The following ME1 variants were observed in gnomAD, a reference collection of about 807,000 sequenced individuals.
ME1 encodes the protein malic enzyme 1.
Under a neutral mutation model 66.4 loss-of-function variants are expected in ME1, and 74 were observed. That is an observed-to-expected ratio of 1.11 (90% CI 0.92 to 1.35). The LOEUF (loss-of-function observed/expected upper bound fraction) is 1.35, where lower values mean the gene tolerates loss of function less well. Ranked by LOEUF, ME1 falls within the 40% of genes most tolerant of loss-of-function variation. The pLI is 0.00. For missense variants in ME1, 750 were observed against 694.1 expected, an observed-to-expected ratio of 1.08 and a Z score of -0.90; for synonymous variants, 251 against 235.6, an observed-to-expected ratio of 1.07 and a Z score of -0.60.
At chr6:83,399,480 C>G (rs186853063) in intron 2 of ME1, among the ~76,000 whole-genome samples, 187 of 152,254 alleles carry the variant, frequency 1.2e-3, no homozygotes, top group African/African-American at 4.4e-3. Context: ...AGAAAGATTT[C>G]ATCCTTTGAC....
chr6:83,234,410 T>A (rs752673761), intron 9 of ME1, among the ~76,000 whole-genome samples: 5 of 152,144 alleles, frequency 3.3e-5, no homozygotes, highest in Non-Finnish European at 5.9e-5. Flanking sequence ...GGGACATCTC[T>A]GTCTGAGGTC....
rs1412332650 is a variant in ME1, at chr6:83,359,190, C to A, written c.363-7051G>T. On this transcript the variant is annotated intron_variant, in intron 3 of 13. Coordinates refer to ENST00000369705, the MANE Select transcript of ME1 (RefSeq NM_002395.6). ...GTCGGGCAGAGGCACTCTTCACATC[C>A]CAGACGATGCGGGAGCTGGGCAGAG... is the stretch of plus-strand genomic sequence containing the variant. Among the ~76,000 whole-genome samples the A allele has an allele frequency of 4.6e-5, 7 of 151,776 alleles. No homozygotes were observed. The East Asian group carries it at 1.2e-3, about 25-fold the overall frequency.
At position 83,211,369 on chromosome 6, in the gene ME1, G is replaced by C. The variant is rs1789867684; in HGVS notation, c.*555C>G. 1 of 152,632 alleles carries C rather than the reference G, an allele frequency of 6.6e-6. No homozygotes were observed. The highest frequency in any genetic ancestry group is 6.5e-5 in the Admixed American group (1 of 15,274). The allele number at this position is 152,632 out of a possible 1,614,324, so 9.5% of individuals were successfully genotyped here. Reference sequence around the variant, plus strand: ...TGCACAAGGCGCTGTAAACAGCAGTGATCTTTCTCTTAGAACTGTTAGAAT... The same window carrying C: ...TGCACAAGGCGCTGTAAACAGCAGTCATCTTTCTCTTAGAACTGTTAGAAT... On this transcript the variant is annotated 3_prime_UTR_variant, in exon 14 of 14. Transcript: ENST00000369705.
At chr6:83,408,936 GAA>G (rs1491240318) in intron 1 of ME1, among the ~76,000 whole-genome samples, 2 of 152,136 alleles carry the variant, frequency 1.3e-5, no homozygotes, top group Admixed American at 6.6e-5. Context: ...AATTCACATT[GAA>G]ATCCTCACCC....
At chr6:83,368,339 C>A (rs1769137739) in intron 3 of ME1, among the ~76,000 whole-genome samples, 1 of 148,272 alleles carries the variant, frequency 6.7e-6, no homozygotes, top group Non-Finnish European at 1.5e-5. Flanking sequence ...ATAGACTTGC[C>A]CAATGGAGGA....
At chr6:83,225,035 C>G (rs917335312) in intron 11 of ME1, among the ~76,000 whole-genome samples, 37 of 151,490 alleles carry the variant, frequency 2.4e-4, no homozygotes, top group African/African-American at 8.7e-4. Flanking sequence ...AAGCCCATCT[C>G]TACTAAAAAT....
chr6:83,367,385 C>T (rs2128546812), intron 3 of ME1, among the ~76,000 whole-genome samples: 1 of 152,238 alleles, frequency 6.6e-6, no homozygotes, highest in African/African-American at 2.4e-5. Context: ...ATCAGTCTGT[C>T]CTTTGGAGCT....
intron 11 of ME1, among the ~76,000 whole-genome samples, chr6:83,224,890 G>A (rs1458673819): frequency 6.6e-6 from 1 of 151,670 alleles, no homozygotes; most frequent in Non-Finnish European, 1.5e-5. Context: ...GGAATCTCAT[G>A]TACTGCTTGC....
intron 6 of ME1, among the ~76,000 whole-genome samples, chr6:83,307,692 T>C (rs1481544802): frequency 6.6e-6 from 1 of 151,952 alleles, no homozygotes; most frequent in Non-Finnish European, 1.5e-5. Context: ...AAGTTAGCCA[T>C]GAAATTAACT....
At chr6:83,280,407 A>G (rs1412650797) in intron 6 of ME1, among the ~76,000 whole-genome samples, 1 of 152,204 alleles carries the variant, frequency 6.6e-6, no homozygotes, top group Non-Finnish European at 1.5e-5. Flanking sequence ...ACTATTATTT[A>G]AAAGTGGATT....
intron 5 of ME1, 37 bp from the exon 6 acceptor site, chr6:83,315,450 A>G: frequency 8.3e-7 from 1 of 1,202,614 alleles, no homozygotes; most frequent in Non-Finnish European, 1.2e-6. Context: ...AGAAATAACT[A>G]TAACCAAATC....
intron 6 of ME1, among the ~76,000 whole-genome samples, chr6:83,311,072 T>C (rs1038980910): frequency 6.6e-6 from 1 of 152,104 alleles, no homozygotes; most frequent in Non-Finnish European, 1.5e-5. Flanking sequence ...CTTGGGATGA[T>C]AAGGGTAGAG....
chr6:83,311,921 A>G (rs1431396443), intron 6 of ME1, among the ~76,000 whole-genome samples: 6 of 152,112 alleles, frequency 3.9e-5, no homozygotes, highest in Non-Finnish European at 7.3e-5. Flanking sequence ...CTACTACTCA[A>G]TATTTACTAT....
chr6:83,268,002 A>T (rs1404959759), intron 6 of ME1, among the ~76,000 whole-genome samples: 1 of 152,190 alleles, frequency 6.6e-6, no homozygotes, highest in Non-Finnish European at 1.5e-5. Context: ...ATACTGAATA[A>T]TGAAACTGAA....
intron 3 of ME1, among the ~76,000 whole-genome samples, chr6:83,379,955 A>G (rs1769365206): frequency 6.6e-6 from 1 of 152,158 alleles, no homozygotes; most frequent in Non-Finnish European, 1.5e-5. Context: ...AGAGGAAACT[A>G]AAGTTCAGAT....
At chr6:83,405,701 G>GTTT (rs1251931728) in intron 2 of ME1, among the ~76,000 whole-genome samples, 3,173 of 140,788 alleles carry the variant, frequency 0.023, 134 homozygotes, top group African/African-American at 0.087. Context: ...TTTATTGAGA[G>GTTT]TTTTTTTTGT....
Position 83,352,068 on chromosome 6 carries a change from A to G in ME1, c.434T>C (p.Ile145Thr). Residue 145 changes from isoleucine (I) to threonine (T), a missense_variant, in exon 4 of 14, where the codon ATC (isoleucine) becomes ACC (threonine). Transcript: ENST00000369705. ...TGGAAAAACATGATAACTTACCTTG[A>G]TGACATCTTCTGGCCATGCATTGAG... ...SVLNAWPEDV[I>T]KAIVVTDGER... The G allele has an allele frequency of 6.3e-7, 1 of 1,590,558 alleles. No individual in the cohort carries two copies. The highest frequency in any genetic ancestry group is 8.6e-7 in the Non-Finnish European group (1 of 1,166,534).
At position 83,430,868 on chromosome 6, in the gene ME1, C is replaced by T. The variant is rs1431065789; in HGVS notation, c.78+9G>A. ...GCCGATGGGCGGCCAGGTGGGCCTG[C>T]GGGTTTACCTTGTTGAGGTGAGGGT... On this transcript the variant is annotated intron_variant, in intron 1 of 13. Coordinates refer to ENST00000369705, the MANE Select transcript of ME1 (RefSeq NM_002395.6). 4 of 1,596,458 alleles carry T rather than the reference C, an allele frequency of 2.5e-6. No individual in the cohort carries two copies. Among genetic ancestry groups the T allele is most frequent in the Non-Finnish European group, 2.6e-6 (3 of 1,171,530 alleles).
At chr6:83,342,296 T>G (rs1768602141) in intron 5 of ME1, among the ~76,000 whole-genome samples, 1 of 152,206 alleles carries the variant, frequency 6.6e-6, no homozygotes, top group Non-Finnish European at 1.5e-5. Flanking sequence ...CTTCTTTTCT[T>G]GCTTTATTCT....
Sources: allele counts gnomAD v4.1 joint callset (sites outside exome capture counted in the v4.1 genomes callset), GRCh38; gene constraint gnomAD v4.1.1; transcripts MANE v1.5; gene names NCBI Gene and HGNC (gene_info 2026-07-23, HGNC 2026-07-21).